Variants in CNTN1 observed in about 807,000 individuals in gnomAD.
The protein encoded by CNTN1 is contactin 1.
CNTN1 carries 38 observed loss-of-function variants against 126.4 expected under a neutral mutation model. The observed-to-expected ratio is 0.30, with a 90% CI of 0.23 to 0.39. The LOEUF (loss-of-function observed/expected upper bound fraction) is 0.39, where lower values mean the gene tolerates loss of function less well. Among genes scored for constraint, CNTN1 ranks in the 10% least tolerant of loss-of-function variants. CNTN1 has a pLI of 1.00. For synonymous variants in CNTN1, 413 were observed against 422.6 expected, an observed-to-expected ratio of 0.98 and a Z score of 0.28; for missense variants, 1,009 against 1,248.4, an observed-to-expected ratio of 0.81 and a Z score of 2.89.
At chr12:40,927,837 G>A (rs1191627624) in intron 6 of CNTN1, among the ~76,000 whole-genome samples, 1 of 152,000 alleles carries the variant, frequency 6.6e-6, no homozygotes, top group African/African-American at 2.4e-5. Flanking sequence ...ACAACATCAC[G>A]ACAATAACTT....
At chr12:40,874,052 A>T (rs1943590736) in intron 1 of CNTN1, among the ~76,000 whole-genome samples, 1 of 152,064 alleles carries the variant, frequency 6.6e-6, no homozygotes, top group Non-Finnish European at 1.5e-5. Context: ...CTATTTAGTA[A>T]ATGCCTACCA....
intron 1 of CNTN1, among the ~76,000 whole-genome samples, chr12:40,734,008 A>G (rs1025096826): frequency 6.6e-6 from 1 of 152,096 alleles, no homozygotes; most frequent in Non-Finnish European, 1.5e-5. Context: ...CATTTCCATT[A>G]AACTGTAAAA....
At chr12:40,736,868 G>A in intron 1 of CNTN1, among the ~76,000 whole-genome samples, 1 of 152,036 alleles carries the variant, frequency 6.6e-6, no homozygotes, top group Non-Finnish European at 1.5e-5. Context: ...CGCTGATGGT[G>A]AAAGCACAAA....
chr12:40,747,495 G>A (rs372217077), intron 1 of CNTN1, among the ~76,000 whole-genome samples: 30 of 152,180 alleles, frequency 2.0e-4, no homozygotes, highest in African/African-American at 7.2e-4. Flanking sequence ...CACAAGTGAT[G>A]AGGTGGCTGG....
chr12:40,944,939 G>GA (rs767184748), intron 14 of CNTN1, among the ~76,000 whole-genome samples: 1 of 152,022 alleles, frequency 6.6e-6, no homozygotes, highest in East Asian at 1.9e-4. Context: ...TTTTATTTTA[G>GA]AAGTCAGTTA....
chr12:40,852,750 T>G (rs1195014764), intron 1 of CNTN1, among the ~76,000 whole-genome samples: 1 of 152,116 alleles, frequency 6.6e-6, no homozygotes, highest in East Asian at 1.9e-4. Flanking sequence ...CTGAAAAAAA[T>G]GTTTGCTTTT....
At chr12:40,861,120 G>A (rs547177983) in intron 1 of CNTN1, among the ~76,000 whole-genome samples, 2 of 152,138 alleles carry the variant, frequency 1.3e-5, no homozygotes, top group Admixed American at 1.3e-4. Flanking sequence ...AGAAACACAT[G>A]GCTACTTTAA....
At chr12:40,784,696 A>G (rs1939939333) in intron 1 of CNTN1, among the ~76,000 whole-genome samples, 4 of 152,156 alleles carry the variant, frequency 2.6e-5, no homozygotes, top group African/African-American at 9.7e-5. Flanking sequence ...GCAGGATCCC[A>G]AAGGGCAATA....
intron 11 of CNTN1, among the ~76,000 whole-genome samples, chr12:40,938,484 A>T: frequency 6.6e-6 from 1 of 152,204 alleles, no homozygotes; most frequent in South Asian, 2.1e-4. Context: ...TGAAAAGTAC[A>T]TGCTTTGGAA....
chr12:40,970,781 T>C (rs1384694685), intron 15 of CNTN1, among the ~76,000 whole-genome samples: 1 of 152,198 alleles, frequency 6.6e-6, no homozygotes, highest in Non-Finnish European at 1.5e-5. Context: ...CGATTAGATA[T>C]CCACTTTGCC....
At chr12:40,719,633 A>G (rs972220546) in intron 1 of CNTN1, among the ~76,000 whole-genome samples, 2 of 152,248 alleles carry the variant, frequency 1.3e-5, no homozygotes, top group African/African-American at 2.4e-5. Context: ...TGAGATCAAT[A>G]AGATATATCA....
At chr12:40,879,561 A>G (rs1021978590) in intron 1 of CNTN1, among the ~76,000 whole-genome samples, 1 of 152,174 alleles carries the variant, frequency 6.6e-6, no homozygotes. Flanking sequence ...AGAAAAAGAA[A>G]ATTAAGAAAG....
intron 1 of CNTN1, among the ~76,000 whole-genome samples, chr12:40,780,078 A>G (rs1939732381): frequency 6.6e-6 from 1 of 151,946 alleles, no homozygotes; most frequent in African/African-American, 2.4e-5. Context: ...TTCTCTTTTT[A>G]TATCCTATTC....
chr12:41,020,277 A>G, intron 19 of CNTN1, 60 bp from the exon 20 acceptor site: 1 of 1,072,716 alleles, frequency 9.3e-7, no homozygotes, highest in Non-Finnish European at 1.4e-6. Flanking sequence ...AAATGATGCT[A>G]TTCGAATTTC....
At chr12:40,779,275 T>A (rs1055211913) in intron 1 of CNTN1, among the ~76,000 whole-genome samples, 3 of 151,820 alleles carry the variant, frequency 2.0e-5, no homozygotes, top group African/African-American at 7.2e-5. Context: ...AATTTCCCCG[T>A]CTGTTTGTGT....
At chr12:40,877,483 A>C (rs781750561) in intron 1 of CNTN1, among the ~76,000 whole-genome samples, 11 of 152,234 alleles carry the variant, frequency 7.2e-5, no homozygotes, top group Non-Finnish European at 1.5e-4. Flanking sequence ...AAGTCTACAG[A>C]GAACTCTCTG....
intron 11 of CNTN1, 141 bp from the exon 12 acceptor site, chr12:40,939,194 C>G (rs2136937083): frequency 1.2e-6 from 1 of 833,726 alleles, no homozygotes; most frequent in East Asian, 2.7e-5. Context: ...TATAGAATGC[C>G]TATTGGTGAC....
Position 40,933,784 on chromosome 12 carries a change from C to A in CNTN1, c.891C>A (p.Ile297=). ...GCACCTCTGGGGCTGTTCTTAAGAT[C>A]TTCAATATTCAGCTAGAAGATGAAG... ...EISTSGAVLK[I]FNIQLEDEGI... is the part of the protein sequence containing the mutation. Residue 297 remains isoleucine (I), a synonymous_variant, in exon 9 of 24, where the codon ATC becomes ATA. Coordinates refer to ENST00000551295, the MANE Select transcript of CNTN1 (RefSeq NM_001843.4). 1 of 1,612,616 alleles carries A rather than the reference C, an allele frequency of 6.2e-7. No individual in the cohort carries two copies. Among genetic ancestry groups the A allele is most frequent in the African/African-American group, 1.3e-5 (1 of 74,934 alleles).
Position 40,858,089 on chromosome 12 carries a change from A to G in CNTN1, c.-76-50268A>G, listed in dbSNP as rs556738891. 5.9e-5 allele frequency among the ~76,000 whole-genome samples: 9 copies of G among 152,178 alleles called. No homozygotes were observed. The South Asian group carries it at 1.7e-3, about 28-fold the overall frequency. ...CTTCTGGAGCTTGGTGTTCTCTTTCAGTTGTTAGCAGAATTCAGTGCCTTG... is the reference window on the plus strand; with the variant it reads ...CTTCTGGAGCTTGGTGTTCTCTTTCGGTTGTTAGCAGAATTCAGTGCCTTG... On this transcript the variant is annotated intron_variant, in intron 1 of 23. Coordinates refer to ENST00000551295, the MANE Select transcript of CNTN1 (RefSeq NM_001843.4).
Sources: gnomAD v4.1 joint callset for allele counts (sites outside exome capture counted in the v4.1 genomes callset) on GRCh38, gnomAD v4.1.1 for gene constraint, MANE v1.5 for transcripts, NCBI Gene and HGNC (gene_info 2026-07-23, HGNC 2026-07-21) for gene names.